The following STX18 variants were observed in gnomAD, a reference collection of about 807,000 sequenced individuals.
STX18 encodes syntaxin-18.
In STX18, 40 loss-of-function variants were observed where a neutral mutation model predicts 50.1. That is an observed-to-expected ratio of 0.80 (90% CI 0.62 to 1.04). STX18 has a LOEUF of 1.04. STX18 is among the 50% of genes least tolerant of loss of function. The pLI, the probability that STX18 is intolerant of heterozygous loss-of-function variation, is 0.00. For synonymous variants in STX18, 158 were observed against 151.8 expected (o/e 1.04, Z -0.30); for missense variants, 410 against 415.8 (o/e 0.99, Z 0.12).
At chr4:4,434,026 CAA>C (rs909611597) in intron 7 of STX18, among the ~76,000 whole-genome samples, 2 of 152,190 alleles carry the variant, frequency 1.3e-5, no homozygotes, top group Non-Finnish European at 2.9e-5. Context: ...AAATGAGAAT[CAA>C]AAAGTTTTGT....
intron 1 of STX18, among the ~76,000 whole-genome samples, chr4:4,505,154 T>C (rs1389540168): frequency 1.3e-5 from 2 of 152,184 alleles, no homozygotes; most frequent in Non-Finnish European, 2.9e-5. Flanking sequence ...GGACATTTCA[T>C]ATACAGCAGT....
At chr4:4,514,837 G>A (rs1385242825) in intron 1 of STX18, among the ~76,000 whole-genome samples, 1 of 151,992 alleles carries the variant, frequency 6.6e-6, no homozygotes, top group Admixed American at 6.6e-5. Flanking sequence ...ATATGAGAGA[G>A]GATCCAAAGG....
intron 1 of STX18, among the ~76,000 whole-genome samples, chr4:4,515,877 T>G (rs978895335): frequency 4.6e-5 from 7 of 152,262 alleles, no homozygotes; most frequent in African/African-American, 1.7e-4. Context: ...AATTATTGAT[T>G]TGCAGGCAAG....
At chr4:4,482,940 A>G (rs1728531378) in intron 1 of STX18, among the ~76,000 whole-genome samples, 1 of 152,224 alleles carries the variant, frequency 6.6e-6, no homozygotes, top group African/African-American at 2.4e-5. Context: ...TAAATAACCT[A>G]TTGCTAAGAA....
chr4:4,493,508 A>T (rs1346011936), intron 1 of STX18, among the ~76,000 whole-genome samples: 2 of 152,066 alleles, frequency 1.3e-5, no homozygotes, highest in Non-Finnish European at 2.9e-5. Context: ...CTCTATGATT[A>T]AAAAAAATTG....
Position 4,420,195 on chromosome 4 carries a change from GC to G in STX18, c.913-67del, listed in dbSNP as rs1056112927. The G allele has an allele frequency of 1.5e-6, 2 of 1,303,446 alleles. No homozygotes were observed. The highest frequency in any genetic ancestry group is 2.5e-5 in the East Asian group (1 of 39,940). The allele number at this position is 1,303,446 out of a possible 1,614,324, so 80.7% of individuals were successfully genotyped here. On this transcript the variant is annotated intron_variant, in intron 10 of 10. Coordinates refer to ENST00000306200, the MANE Select transcript of STX18 (RefSeq NM_016930.4). The surrounding 1 kb of genome is among the most constrained non-coding windows in gnomAD (Gnocchi z 4.3). ...ATTTTGGTTTGAGCAGCCCTGAAATGCCCCCCTCTTCCCACGTGCTCTCCTG... is the reference window on the plus strand; with the variant it reads ...ATTTTGGTTTGAGCAGCCCTGAAATGCCCCCTCTTCCCACGTGCTCTCCTG...
rs1228419825 is a variant in STX18, at chr4:4,423,829, A to G, written c.762-242T>C. 6 of 539,622 alleles carry G rather than the reference A, an allele frequency of 1.1e-5. No individual in the cohort carries two copies. The African/African-American group carries it at 1.1e-4, about 10-fold the overall frequency. The allele number at this position is 539,622 out of a possible 1,614,324, so 33.4% of individuals were successfully genotyped here. A position where few individuals can be genotyped will look rare whatever the true frequency, so the allele number is the denominator to read the frequency against. The stretch of plus-strand genomic sequence containing the variant: ...TTTGGAAGTCCACTCTACCATGCCA[A>G]CTGACCCTCAGTCCCAAGAGGTGGG... On this transcript the variant is annotated intron_variant, in intron 8 of 10. Coordinates refer to ENST00000306200, the MANE Select transcript of STX18 (RefSeq NM_016930.4).
chr4:4,470,646 G>A (rs916978091), intron 2 of STX18, among the ~76,000 whole-genome samples: 1 of 152,168 alleles, frequency 6.6e-6, no homozygotes, highest in Non-Finnish European at 1.5e-5. Context: ...CTTTATAAAG[G>A]GTAGTGAGAG....
At chr4:4,472,310 T>G (rs1251361464) in intron 1 of STX18, among the ~76,000 whole-genome samples, 2 of 152,206 alleles carry the variant, frequency 1.3e-5, no homozygotes, top group Non-Finnish European at 2.9e-5. Flanking sequence ...AAGCACCTAC[T>G]ACATGCCAGG....
At chr4:4,497,073 C>T (rs895633084) in intron 1 of STX18, among the ~76,000 whole-genome samples, 1 of 152,184 alleles carries the variant, frequency 6.6e-6, no homozygotes, top group African/African-American at 2.4e-5. Context: ...AGGATGATGG[C>T]TCCGAATCTA....
At chr4:4,500,567 GA>G (rs1402403362) in intron 1 of STX18, among the ~76,000 whole-genome samples, 9 of 152,174 alleles carry the variant, frequency 5.9e-5, no homozygotes, top group African/African-American at 2.2e-4. Context: ...AGGGAGTCCT[GA>G]AACCAATCCC....
chr4:4,472,813 CATTG>C (rs1448533096), intron 1 of STX18, among the ~76,000 whole-genome samples: 1 of 152,160 alleles, frequency 6.6e-6, no homozygotes, highest in Non-Finnish European at 1.5e-5. Flanking sequence ...TACAAAATAG[CATTG>C]ATCACAAAAG....
At chr4:4,439,464 A>G (rs1331647944) in intron 5 of STX18, among the ~76,000 whole-genome samples, 1 of 135,130 alleles carries the variant, frequency 7.4e-6, no homozygotes, top group Non-Finnish European at 1.6e-5. Flanking sequence ...ACATATATCT[A>G]CATACACATA....
At position 4,529,339 on chromosome 4, in the gene STX18, G is replaced by A. The variant is rs1260211449; in HGVS notation, c.168+12458C>T. Among the ~76,000 whole-genome samples the A allele has an allele frequency of 5.9e-5, 9 of 152,188 alleles. No homozygotes were observed. The East Asian group carries it at 1.5e-3, about 26-fold the overall frequency. Reference sequence around the variant, plus strand: ...ATCGCGCCACTGCACTCCAGCCTGGGCGAGACTCCGTCTCAAAAAAAAGAA... The same window carrying A: ...ATCGCGCCACTGCACTCCAGCCTGGACGAGACTCCGTCTCAAAAAAAAGAA... On this transcript the variant is annotated intron_variant, in intron 1 of 10. Coordinates refer to ENST00000306200, the MANE Select transcript of STX18 (RefSeq NM_016930.4).
chr4:4,477,744 T>A (rs1232628984), intron 1 of STX18: 1 of 152,208 alleles, frequency 6.6e-6, no homozygotes, highest in Non-Finnish European at 1.5e-5. Flanking sequence ...AGTGCTATAT[T>A]TGCAAGGAAG....
chr4:4,457,497 T>C lies in STX18; in HGVS notation c.356A>G (p.His119Arg), dbSNP rs200389671. 69 of 1,613,098 alleles carry C rather than the reference T, an allele frequency of 4.3e-5. No individual in the cohort carries two copies. The East Asian group carries it at 8.7e-4, about 20-fold the overall frequency. Residue 119 changes from histidine to arginine, a missense_variant, in exon 4 of 11, where the codon CAC (histidine) becomes CGC (arginine). By Grantham distance (29) the His-to-Arg change is conservative. Transcript: ENST00000306200. ...EAIQQLRTEA[H>R]KEIHSQQVKE... ...CACTTGCTGGGAATGTATCTCCTTG[T>C]GAGCTGTAACAGAAAAAGACAATGT...
At chr4:4,460,763 T>G (rs924494607) in intron 2 of STX18, among the ~76,000 whole-genome samples, 2 of 152,116 alleles carry the variant, frequency 1.3e-5, no homozygotes, top group Non-Finnish European at 2.9e-5. Flanking sequence ...TACTTAGGCT[T>G]GGGATGGCAA....
In STX18 at chr4:4,419,407, C is replaced by T. The variant is rs1253634509; in HGVS notation, c.*627G>A. On this transcript the variant is annotated 3_prime_UTR_variant, in exon 11 of 11. Coordinates refer to ENST00000306200, the MANE Select transcript of STX18 (RefSeq NM_016930.4). Reference sequence around the variant, plus strand: ...CCCCAGTCTCCCCTGCATTTCTTCCCTGATTGATTGATAGGAGGTGGCTGG... The same window carrying T: ...CCCCAGTCTCCCCTGCATTTCTTCCTTGATTGATTGATAGGAGGTGGCTGG... The T allele has an allele frequency of 6.6e-6, 1 of 152,242 alleles. No individual in the cohort carries two copies. Among genetic ancestry groups the T allele is most frequent in the African/African-American group, 2.4e-5 (1 of 41,440 alleles). 9.4% of individuals were successfully genotyped at this position (152,242 alleles called of 1,614,324 possible). A position where few individuals can be genotyped will look rare whatever the true frequency, so the allele number is the denominator to read the frequency against.
intron 5 of STX18, among the ~76,000 whole-genome samples, chr4:4,449,933 G>A (rs1018990083): frequency 6.6e-6 from 1 of 152,122 alleles, no homozygotes; most frequent in African/African-American, 2.4e-5. Context: ...CTTTAGACAC[G>A]TCCTAACATT....
Sources: allele counts gnomAD v4.1 joint callset (sites outside exome capture counted in the v4.1 genomes callset), GRCh38; gene constraint gnomAD v4.1.1; non-coding constraint Gnocchi (gnomAD v3.1); transcripts MANE v1.5; gene names NCBI Gene and HGNC (gene_info 2026-07-23, HGNC 2026-07-21).